GNG7: variants seen among roughly 807,000 people sequenced by gnomAD.
GNG7 encodes the protein G protein subunit gamma 7, also known as guanine nucleotide-binding protein G(I)/G(S)/G(O) subunit gamma-7.
A neutral mutation model predicts 4.0 loss-of-function variants in GNG7; 1 was observed. The observed-to-expected ratio is 0.25, with a 90% CI of 0.09 to 1.18. The LOEUF (loss-of-function observed/expected upper bound fraction) is 1.18, where lower values mean the gene tolerates loss of function less well. Among genes scored for constraint, GNG7 ranks in the 50% most tolerant of loss-of-function variants. GNG7 has a pLI of 0.50. For synonymous variants in GNG7, 34 were observed against 36.9 expected, an observed-to-expected ratio of 0.92 and a Z score of 0.29; for missense variants, 86 against 91.9, an observed-to-expected ratio of 0.94 and a Z score of 0.26.
intron 1 of GNG7, among the ~76,000 whole-genome samples, chr19:2,663,352 C>T (rs545440404): frequency 6.6e-5 from 10 of 151,862 alleles, no homozygotes; most frequent in Non-Finnish European, 1.2e-4. Context: ...CTCTCCCCCC[C>T]CTCCTCTTTC....
intron 1 of GNG7, among the ~76,000 whole-genome samples, chr19:2,684,709 C>T (rs1983828192): frequency 6.6e-6 from 1 of 152,088 alleles, no homozygotes; most frequent in Non-Finnish European, 1.5e-5. Flanking sequence ...AGGATGGGGG[C>T]CGGGCACAGT....
At chr19:2,641,101 G>C (rs752334465) in intron 2 of GNG7, among the ~76,000 whole-genome samples, 4 of 152,252 alleles carry the variant, frequency 2.6e-5, no homozygotes, top group Admixed American at 2.0e-4. Context: ...TCCCGCAGCT[G>C]ACCCTCAGTG....
intron 2 of GNG7, among the ~76,000 whole-genome samples, chr19:2,568,704 A>G (rs1037319474): frequency 2.0e-5 from 3 of 149,002 alleles, no homozygotes; most frequent in Admixed American, 6.8e-5. Flanking sequence ...TACATAAAAT[A>G]TAGACACACA....
intron 2 of GNG7, among the ~76,000 whole-genome samples, chr19:2,621,682 G>A (rs1475966742): frequency 1.3e-5 from 2 of 151,988 alleles, no homozygotes; most frequent in African/African-American, 2.4e-5. Context: ...GGGTGACAGA[G>A]CAAGACCTCA....
chr19:2,696,564 G>A (rs1477227869), intron 1 of GNG7, among the ~76,000 whole-genome samples: 1 of 152,186 alleles, frequency 6.6e-6, no homozygotes, highest in Non-Finnish European at 1.5e-5. Flanking sequence ...GCGGCCGAGC[G>A]TGTGTTGCTG....
chr19:2,680,985 C>T (rs1983719707), intron 1 of GNG7, among the ~76,000 whole-genome samples: 1 of 151,958 alleles, frequency 6.6e-6, no homozygotes, highest in Non-Finnish European at 1.5e-5. Context: ...AGCCATCTTA[C>T]TGGGCGTGAA....
At chr19:2,661,302 G>GAAAGAGAAAGAA in intron 1 of GNG7, among the ~76,000 whole-genome samples, 12 of 73,116 alleles carry the variant, frequency 1.6e-4, no homozygotes, top group Admixed American at 7.6e-4. Flanking sequence ...AAGAAAGAAA[G>GAAAGAGAAAGAA]AGAAAGAAAG....
At chr19:2,564,312 G>A (rs1429475177) in intron 2 of GNG7, among the ~76,000 whole-genome samples, 2 of 152,090 alleles carry the variant, frequency 1.3e-5, no homozygotes, top group Admixed American at 1.3e-4. Context: ...TGAGATTGGT[G>A]GCTCACACCT....
chr19:2,564,559 G>A (rs1162460976), intron 2 of GNG7, among the ~76,000 whole-genome samples: 3 of 152,176 alleles, frequency 2.0e-5, no homozygotes, highest in African/African-American at 7.2e-5. Context: ...GGGTGACAGA[G>A]CAAGACTCTG....
At chr19:2,619,924 A>T (rs896218053) in intron 2 of GNG7, among the ~76,000 whole-genome samples, 1 of 150,602 alleles carries the variant, frequency 6.6e-6, no homozygotes, top group African/African-American at 2.5e-5. Context: ...TGTCAGTTAT[A>T]TCTCAATAAA....
At chr19:2,674,819 T>G (rs368083767) in intron 1 of GNG7, among the ~76,000 whole-genome samples, 2 of 152,286 alleles carry the variant, frequency 1.3e-5, no homozygotes, top group East Asian at 3.9e-4. Flanking sequence ...GATCTCCTTA[T>G]GTGATGGTCG....
At chr19:2,532,073 C>T (rs1338583172) in intron 3 of GNG7, among the ~76,000 whole-genome samples, 2 of 151,494 alleles carry the variant, frequency 1.3e-5, no homozygotes, top group African/African-American at 4.9e-5. Flanking sequence ...ATGGCATGAA[C>T]CCGGGAGGCG....
chr19:2,552,883 A>C (rs980062048), intron 3 of GNG7, among the ~76,000 whole-genome samples: 1 of 148,442 alleles, frequency 6.7e-6, no homozygotes, highest in African/African-American at 2.5e-5. Flanking sequence ...CTGTGGAAAA[A>C]CTGTCTTCCA....
At chr19:2,521,188 C>A (rs192353111) in intron 3 of GNG7, among the ~76,000 whole-genome samples, 52 of 152,044 alleles carry the variant, frequency 3.4e-4, no homozygotes, top group Non-Finnish European at 6.6e-4. Context: ...ATGACGTGAA[C>A]CCGGGAGGTG....
chr19:2,657,267 G>A (rs1404545213), intron 1 of GNG7, among the ~76,000 whole-genome samples: 6 of 141,438 alleles, frequency 4.2e-5, no homozygotes, highest in African/African-American at 1.1e-4. Context: ...CTAGGAGTTC[G>A]AAGCTGCAGT....
At chr19:2,559,720 G>C (rs1204553653) in intron 2 of GNG7, among the ~76,000 whole-genome samples, 1 of 74,118 alleles carries the variant, frequency 1.3e-5, no homozygotes, top group African/African-American at 6.8e-5. Flanking sequence ...CTCCATGTTG[G>C]TCAGACTGGT....
At chr19:2,556,602 G>A (rs922180542) in intron 2 of GNG7, among the ~76,000 whole-genome samples, 2 of 152,096 alleles carry the variant, frequency 1.3e-5, no homozygotes, top group African/African-American at 4.8e-5. Flanking sequence ...CCTGCGCCCC[G>A]GGGCTGCATT....
intron 1 of GNG7, among the ~76,000 whole-genome samples, chr19:2,672,638 G>A (rs953507045): frequency 6.6e-6 from 1 of 151,880 alleles, no homozygotes. Context: ...TAGAGATAGG[G>A]TTTCACCATG....
At chr19:2,530,438 G>T (rs1978546424) in intron 3 of GNG7, among the ~76,000 whole-genome samples, 1 of 148,204 alleles carries the variant, frequency 6.7e-6, no homozygotes. Context: ...AAGCTGGACA[G>T]GGCTGGGTGC....
Sources: allele counts gnomAD v4.1 joint callset (sites outside exome capture counted in the v4.1 genomes callset), GRCh38; gene constraint gnomAD v4.1.1; transcripts MANE v1.5; gene names NCBI Gene and HGNC (gene_info 2026-07-23, HGNC 2026-07-21).